Variants in CLIP1 observed in about 807,000 individuals in gnomAD.
The protein encoded by CLIP1 is CAP-Gly domain-containing linker protein 1.
A neutral mutation model predicts 161.6 loss-of-function variants in CLIP1; 66 were observed. That is an observed-to-expected ratio of 0.41 (90% CI 0.33 to 0.50). CLIP1 has a LOEUF of 0.50. Among genes scored for constraint, CLIP1 ranks in the 20% least tolerant of loss-of-function variants. The pLI is 0.27. For missense variants in CLIP1, 1,376 were observed against 1,702.0 expected (o/e 0.81, Z 3.37); for synonymous variants, 598 against 626.2 (o/e 0.96, Z 0.67).
chr12:122,420,405 G>A (rs1266441244), intron 1 of CLIP1, among the ~76,000 whole-genome samples: 1 of 151,942 alleles, frequency 6.6e-6, no homozygotes, highest in East Asian at 1.9e-4. Context: ...ACAGAAACCA[G>A]ATTAGCTTAT....
intron 20 of CLIP1, among the ~76,000 whole-genome samples, chr12:122,307,072 C>T (rs1871239069): frequency 7.1e-6 from 1 of 140,126 alleles, no homozygotes; most frequent in Non-Finnish European, 1.5e-5. Flanking sequence ...TGCAGTGGCA[C>T]GATCTCGGCT....
At position 122,377,698 on chromosome 12, in the gene CLIP1, G is replaced by T; in HGVS notation, c.348C>A (p.Gly116=). The change falls in exon 3 of 26, where the codon GGC becomes GGA. Residue 116 remains glycine, a synonymous_variant. Coordinates refer to ENST00000620786, the MANE Select transcript of CLIP1 (RefSeq NM_001247997.2). ...VRYFQCEPLK[G]IFTRPSKLTR... The stretch of plus-strand genomic sequence containing the variant: ...TTAACTTTGAAGGTCGGGTAAATAT[G>T]CCCTTTAAAGGTTCACACTGGAAAT... 6.2e-7 allele frequency: 1 copy of T among 1,613,680 alleles called. No individual in the cohort carries two copies.
At position 122,278,215 on chromosome 12, in the gene CLIP1, G is replaced by C. The variant is rs61954380; in HGVS notation, c.3917-12C>G. 8.4e-7 allele frequency: 1 copy of C among 1,196,544 alleles called. No individual in the cohort carries two copies. The highest frequency in any genetic ancestry group is 1.1e-6 in the Non-Finnish European group (1 of 915,130). The allele number at this position is 1,196,544 out of a possible 1,614,324, so 74.1% of individuals were successfully genotyped here. ...AGTGTCTGTATTACCTTATATTTGAGGAAAAAAAAAAAAAAACAAGTGGAG... is the reference window on the plus strand; with the variant it reads ...AGTGTCTGTATTACCTTATATTTGACGAAAAAAAAAAAAAAACAAGTGGAG... On this transcript the variant is annotated splice_polypyrimidine_tract_variant and intron_variant, in intron 23 of 25. Coordinates refer to ENST00000620786, the MANE Select transcript of CLIP1 (RefSeq NM_001247997.2).
At chr12:122,293,587 T>C (rs991193167) in intron 20 of CLIP1, among the ~76,000 whole-genome samples, 10 of 151,688 alleles carry the variant, frequency 6.6e-5, no homozygotes, top group African/African-American at 2.2e-4. Context: ...CAAGCGATTC[T>C]CCTGCCTCAG....
At chr12:122,388,329 C>T (rs1193614109) in intron 1 of CLIP1, among the ~76,000 whole-genome samples, 3 of 152,088 alleles carry the variant, frequency 2.0e-5, no homozygotes, top group African/African-American at 7.2e-5. Flanking sequence ...AGGCCATTCT[C>T]CTGCCTCAGC....
chr12:122,325,487 T>C (rs950211575), intron 17 of CLIP1, among the ~76,000 whole-genome samples: 6 of 151,888 alleles, frequency 4.0e-5, no homozygotes, highest in African/African-American at 1.5e-4. Context: ...TATTTATTTA[T>C]TTATTTATTT....
chr12:122,355,088 AT>A lies in CLIP1; in HGVS notation c.1203+26del, dbSNP rs776462262. ...CTCAGTGGCTTTAGAAACCATCACC[AT>A]CTCCGCAACAAGGTCCAGACTTCAC... On this transcript the variant is annotated intron_variant, in intron 6 of 25. Transcript: ENST00000620786. The surrounding 1 kb of genome is among the most constrained non-coding windows in gnomAD (Gnocchi z 4.1). The A allele has an allele frequency of 2.2e-5, 36 of 1,606,296 alleles. No individual in the cohort carries two copies. Among genetic ancestry groups the A allele is most frequent in the Admixed American group, 2.2e-4 (13 of 59,430 alleles).
chr12:122,342,606 G>C (rs1156486778), intron 10 of CLIP1: 2 of 152,172 alleles, frequency 1.3e-5, no homozygotes, highest in Non-Finnish European at 2.9e-5. Flanking sequence ...CGAGGCAGAA[G>C]GATCACTTGA....
At chr12:122,358,834 G>A (rs891170982) in intron 5 of CLIP1, among the ~76,000 whole-genome samples, 1 of 152,124 alleles carries the variant, frequency 6.6e-6, no homozygotes, top group South Asian at 2.1e-4. Context: ...GCAGAGGCGG[G>A]CAGATCACCT....
chr12:122,384,936 ATTT>A (rs201805064), intron 1 of CLIP1, among the ~76,000 whole-genome samples: 1 of 136,780 alleles, frequency 7.3e-6, no homozygotes. Flanking sequence ...GTTGATGGTA[ATTT>A]TTTTTTTTTT....
At chr12:122,342,971 T>G (rs1485712189) in intron 10 of CLIP1, 3 of 151,862 alleles carry the variant, frequency 2.0e-5, no homozygotes, top group African/African-American at 4.8e-5. Flanking sequence ...AAAAAAGTAA[T>G]GTGGGTACCA....
rs370018967 is a variant in CLIP1, at chr12:122,422,277, T to C, written c.-107+244A>G. Among the ~76,000 whole-genome samples the C allele has an allele frequency of 3.3e-5, 5 of 151,592 alleles. No homozygotes were observed. The South Asian group carries it at 6.2e-4, about 19-fold the overall frequency. ...AGGAAGCGAAGGCCCGGCTCGGCGCTGACAGGGCCGCCACTTTTCCAGCTC... is the reference window on the plus strand; with the variant it reads ...AGGAAGCGAAGGCCCGGCTCGGCGCCGACAGGGCCGCCACTTTTCCAGCTC... On this transcript the variant is annotated intron_variant, in intron 1 of 25. Coordinates refer to ENST00000620786, the MANE Select transcript of CLIP1 (RefSeq NM_001247997.2).
rs924301387 is a variant in CLIP1, at chr12:122,272,164, T to C, written c.*711A>G. 1 of 152,440 alleles carries C rather than the reference T, an allele frequency of 6.6e-6. No homozygotes were observed. The highest frequency in any genetic ancestry group is 1.5e-5 in the Non-Finnish European group (1 of 68,040). The allele number at this position is 152,440 out of a possible 1,614,324, so 9.4% of individuals were successfully genotyped here. On this transcript the variant is annotated 3_prime_UTR_variant, in exon 26 of 26. Transcript: ENST00000620786. ...AAAATATAGATTTTTAAAAAATATA[T>C]ACATACAATATATAGAAGCTGAAAT...
intron 20 of CLIP1, among the ~76,000 whole-genome samples, chr12:122,297,609 A>T (rs1950522025): frequency 6.6e-6 from 1 of 152,162 alleles, no homozygotes; most frequent in South Asian, 2.1e-4. Flanking sequence ...TGAGGTCCAA[A>T]ATAGCAGCTC....
chr12:122,309,980 G>C, intron 19 of CLIP1, 98 bp from the exon 20 acceptor site: 1 of 1,357,706 alleles, frequency 7.4e-7, no homozygotes, highest in African/African-American at 1.4e-5. Context: ...AATATATCTG[G>C]GTCACGTGCC....
chr12:122,274,541 G>GTTT (rs140034285), intron 24 of CLIP1: 7 of 144,820 alleles, frequency 4.8e-5, no homozygotes, highest in South Asian at 2.1e-4. Context: ...GTTTTGTTTT[G>GTTT]TTTTTTTTTT....
chr12:122,387,565 TATATATATATATA>T (rs1955344967), intron 1 of CLIP1, among the ~76,000 whole-genome samples: 1 of 10,822 alleles, frequency 9.2e-5, no homozygotes, highest in African/African-American at 1.7e-4. Context: ...TATATATATA[TATATATATATATA>T]TATATATATA....
chr12:122,388,981 C>T (rs893851783), intron 1 of CLIP1, among the ~76,000 whole-genome samples: 3 of 152,198 alleles, frequency 2.0e-5, no homozygotes, highest in Non-Finnish European at 4.4e-5. Context: ...CTGACTTCCC[C>T]AACACCTCTA....
At chr12:122,349,986 C>A (rs910840141) in intron 9 of CLIP1, among the ~76,000 whole-genome samples, 3 of 151,394 alleles carry the variant, frequency 2.0e-5, no homozygotes, top group Non-Finnish European at 4.4e-5. Context: ...GTCACTGCAA[C>A]CTCTGCCTCC....
Sources: gnomAD v4.1 joint callset for allele counts (sites outside exome capture counted in the v4.1 genomes callset) on GRCh38, gnomAD v4.1.1 for gene constraint, Gnocchi (gnomAD v3.1) non-coding constraint, MANE v1.5 for transcripts, NCBI Gene and HGNC (gene_info 2026-07-23, HGNC 2026-07-21) for gene names.